Variants in ERC2 observed in about 807,000 individuals in gnomAD.
ERC2 encodes the protein ERC protein 2.
In ERC2, 42 loss-of-function variants were observed where a neutral mutation model predicts 114.8. That is an observed-to-expected ratio of 0.37 (90% CI 0.29 to 0.47). ERC2 has a LOEUF of 0.47. ERC2 is among the 20% of genes least tolerant of loss of function. The pLI is 0.99. For synonymous variants in ERC2, 454 were observed against 425.5 expected (o/e 1.07, Z -0.82); for missense variants, 939 against 1,150.7 (o/e 0.82, Z 2.66).
At chr3:56,339,509 C>A (rs2058002558) in intron 2 of ERC2, among the ~76,000 whole-genome samples, 1 of 152,034 alleles carries the variant, frequency 6.6e-6, no homozygotes, top group South Asian at 2.1e-4. Flanking sequence ...AGCTGAGAGG[C>A]ACTTAAAGGC....
At chr3:55,717,731 T>C (rs2064206828) in intron 15 of ERC2, among the ~76,000 whole-genome samples, 1 of 152,172 alleles carries the variant, frequency 6.6e-6, no homozygotes, top group African/African-American at 2.4e-5. Flanking sequence ...CCCAGAACTA[T>C]CCTTTGCATT....
chr3:55,815,891 C>G (rs1448012164), intron 14 of ERC2, among the ~76,000 whole-genome samples: 1 of 152,164 alleles, frequency 6.6e-6, no homozygotes, highest in Non-Finnish European at 1.5e-5. Context: ...GGTTACCACT[C>G]TAAGAAACGG....
chr3:55,753,340 G>T (rs569831165), intron 14 of ERC2, among the ~76,000 whole-genome samples: 2 of 152,228 alleles, frequency 1.3e-5, no homozygotes, highest in African/African-American at 4.8e-5. Flanking sequence ...TTGACTTTAC[G>T]TATCTTAGCT....
At chr3:56,311,271 A>C (rs1369066397) in intron 2 of ERC2, among the ~76,000 whole-genome samples, 67 of 134,156 alleles carry the variant, frequency 5.0e-4, no homozygotes, top group East Asian at 1.9e-3. Context: ...ATATATATAT[A>C]TATATATATA....
chr3:55,921,006 TCGGTTCTGGTGG>T (rs1426584737), intron 13 of ERC2, among the ~76,000 whole-genome samples: 1 of 152,092 alleles, frequency 6.6e-6, no homozygotes, highest in African/African-American at 2.4e-5. Flanking sequence ...TCATAACCAC[TCGGTTCTGGTGG>T]GAATGCAGAA....
At chr3:56,274,555 G>A (rs1483339703) in intron 3 of ERC2, among the ~76,000 whole-genome samples, 1 of 152,256 alleles carries the variant, frequency 6.6e-6, no homozygotes, top group East Asian at 1.9e-4. Context: ...TGTAGTTCAA[G>A]CCCATGTTGT....
chr3:55,996,949 C>T (rs531614362), intron 10 of ERC2, among the ~76,000 whole-genome samples: 4 of 152,258 alleles, frequency 2.6e-5, no homozygotes, highest in South Asian at 2.1e-4. Flanking sequence ...CAAAATCATA[C>T]GTCTATTTAC....
intron 2 of ERC2, among the ~76,000 whole-genome samples, chr3:56,386,667 T>G (rs2059944340): frequency 6.6e-6 from 1 of 152,060 alleles, no homozygotes; most frequent in South Asian, 2.1e-4. Context: ...ATACCTCTAC[T>G]GGTTTTCCTC....
chr3:56,426,025 G>A (rs377695375), intron 2 of ERC2, among the ~76,000 whole-genome samples: 8 of 152,186 alleles, frequency 5.3e-5, no homozygotes, highest in East Asian at 1.9e-4. Context: ...CACATCAACC[G>A]TCAAGACAGA....
chr3:56,453,640 C>CA (rs1221534783), intron 1 of ERC2, among the ~76,000 whole-genome samples: 1 of 152,194 alleles, frequency 6.6e-6, no homozygotes, highest in Non-Finnish European at 1.5e-5. Flanking sequence ...CAGATAGATG[C>CA]AAATCATTTG....
At chr3:55,586,977 T>C (rs1002113457) in intron 17 of ERC2, among the ~76,000 whole-genome samples, 5 of 152,240 alleles carry the variant, frequency 3.3e-5, no homozygotes, top group African/African-American at 1.2e-4. Context: ...CCCCTAGTCC[T>C]GAAGTAAACA....
At chr3:56,254,910 A>G (rs1018431170) in intron 3 of ERC2, among the ~76,000 whole-genome samples, 1 of 152,256 alleles carries the variant, frequency 6.6e-6, no homozygotes, top group African/African-American at 2.4e-5. Context: ...ATGTGAAAAA[A>G]GAAGATAATA....
chr3:56,102,963 AT>A (rs1205898564), intron 6 of ERC2, among the ~76,000 whole-genome samples: 1 of 152,210 alleles, frequency 6.6e-6, no homozygotes, highest in Non-Finnish European at 1.5e-5. Context: ...GAAGCAAACA[AT>A]GGTAAATGAG....
At chr3:55,932,454 C>A (rs915486646) in intron 13 of ERC2, among the ~76,000 whole-genome samples, 1 of 152,118 alleles carries the variant, frequency 6.6e-6, no homozygotes, top group Non-Finnish European at 1.5e-5. Context: ...AGTAATTCTG[C>A]CTGGTTCATA....
chr3:56,215,225 A>T (rs1270312068), intron 3 of ERC2, among the ~76,000 whole-genome samples: 1 of 152,218 alleles, frequency 6.6e-6, no homozygotes, highest in Non-Finnish European at 1.5e-5. Flanking sequence ...AAGACCCATC[A>T]GCGTGCTGTA....
chr3:55,847,220 G>A (rs1397945782), intron 14 of ERC2, among the ~76,000 whole-genome samples: 1 of 152,094 alleles, frequency 6.6e-6, no homozygotes, highest in Non-Finnish European at 1.5e-5. Context: ...GAACTTTACA[G>A]GCTTATAAGT....
At chr3:56,064,684 C>G (rs2076392720) in intron 7 of ERC2, among the ~76,000 whole-genome samples, 1 of 152,130 alleles carries the variant, frequency 6.6e-6, no homozygotes, top group Admixed American at 6.6e-5. Context: ...TTGTTTAACT[C>G]TATTAAATAT....
intron 17 of ERC2, among the ~76,000 whole-genome samples, chr3:55,537,348 C>G (rs778743241): frequency 2.6e-4 from 40 of 152,158 alleles, no homozygotes; most frequent in Non-Finnish European, 2.6e-4. Context: ...GTGACAGACT[C>G]CAGAAAAGCA....
chr3:56,218,830 TC>T (rs1175963540), intron 3 of ERC2, among the ~76,000 whole-genome samples: 1 of 152,142 alleles, frequency 6.6e-6, no homozygotes, highest in Non-Finnish European at 1.5e-5. Flanking sequence ...TGAGTTCATG[TC>T]CTTTGTAGGG....
Sources: gnomAD v4.1 joint callset for allele counts (sites outside exome capture counted in the v4.1 genomes callset) on GRCh38, gnomAD v4.1.1 for gene constraint, MANE v1.5 for transcripts, NCBI Gene and HGNC (gene_info 2026-07-23, HGNC 2026-07-21) for gene names.